Variants in ZNF589 observed in about 807,000 individuals in gnomAD.
ZNF589 encodes zinc finger protein 589.
A neutral mutation model predicts 13.6 loss-of-function variants in ZNF589; 17 were observed. That is an observed-to-expected ratio of 1.25 (90% CI 0.86 to 1.88). ZNF589 has a LOEUF of 1.88. Among genes scored for constraint, ZNF589 ranks in the 40% most tolerant of loss-of-function variants. The pLI is 0.00. For missense variants in ZNF589, 407 were observed against 434.0 expected, an observed-to-expected ratio of 0.94 and a Z score of 0.55; for synonymous variants, 148 against 161.6, an observed-to-expected ratio of 0.92 and a Z score of 0.64.
chr3:48,249,926 G>C (rs1410734732), intron 2 of ZNF589, among the ~76,000 whole-genome samples: 1 of 152,066 alleles, frequency 6.6e-6, no homozygotes, highest in Non-Finnish European at 1.5e-5. Context: ...TCAGTAGTTC[G>C]AGACCAACCT....
intron 1 of ZNF589, among the ~76,000 whole-genome samples, chr3:48,243,983 G>A (rs1162377334): frequency 6.6e-6 from 1 of 152,148 alleles, no homozygotes; most frequent in Non-Finnish European, 1.5e-5. Flanking sequence ...GTGTGCCTGT[G>A]ATTCAGCACC....
At chr3:48,265,489 G>C (rs1185952662) in intron 3 of ZNF589, among the ~76,000 whole-genome samples, 1 of 150,916 alleles carries the variant, frequency 6.6e-6, no homozygotes, top group African/African-American at 2.4e-5. Flanking sequence ...GTTTCACTAT[G>C]TTGGCCAGGC....
chr3:48,270,450 G>A lies in ZNF589; in HGVS notation c.*1664G>A, dbSNP rs1216393385. 2.8e-6 allele frequency: 1 copy of A among 357,666 alleles called. No individual in the cohort carries two copies. Among genetic ancestry groups the A allele is most frequent in the Non-Finnish European group, 5.5e-6 (1 of 182,956 alleles). The allele number at this position is 357,666 out of a possible 1,614,324, so 22.2% of individuals were successfully genotyped here. Reference sequence around the variant, plus strand: ...TCCAATCTCAGTACCCAGTGTTTTAGCCATGCTCGGGTGGCTAAATTACAT... The same window carrying A: ...TCCAATCTCAGTACCCAGTGTTTTAACCATGCTCGGGTGGCTAAATTACAT... On this transcript the variant is annotated 3_prime_UTR_variant, in exon 4 of 4. Coordinates refer to ENST00000354698, the MANE Select transcript of ZNF589 (RefSeq NM_016089.3).
At chr3:48,252,348 T>C (rs1202077769) in intron 2 of ZNF589, among the ~76,000 whole-genome samples, 2 of 151,734 alleles carry the variant, frequency 1.3e-5, no homozygotes, top group East Asian at 3.9e-4. Context: ...CAGGCTGCCA[T>C]GCACGGCTAA....
intron 3 of ZNF589, among the ~76,000 whole-genome samples, chr3:48,262,565 A>C (rs1431081322): frequency 6.6e-6 from 1 of 152,120 alleles, no homozygotes; most frequent in Non-Finnish European, 1.5e-5. Flanking sequence ...GTATCATCCA[A>C]CACCTAGTCC....
intron 3 of ZNF589, among the ~76,000 whole-genome samples, chr3:48,266,759 C>T (rs557043677): frequency 6.6e-6 from 1 of 152,330 alleles, no homozygotes; most frequent in African/African-American, 2.4e-5. Context: ...AAAAAACCCA[C>T]AGCCGAATCT....
chr3:48,253,600 C>T (rs750808073), intron 2 of ZNF589, among the ~76,000 whole-genome samples: 4 of 151,182 alleles, frequency 2.6e-5, no homozygotes, highest in Non-Finnish European at 5.9e-5. Context: ...CCCGGGTCCA[C>T]GCCATTCTCC....
chr3:48,250,385 C>G (rs866483804), intron 2 of ZNF589, among the ~76,000 whole-genome samples: 1 of 148,470 alleles, frequency 6.7e-6, no homozygotes, highest in Non-Finnish European at 1.5e-5. Context: ...CTCCTGGACT[C>G]AAGCAGTCCT....
intron 2 of ZNF589, 124 bp from the exon 3 acceptor site, chr3:48,260,689 G>A: frequency 1.4e-6 from 2 of 1,382,270 alleles, no homozygotes; most frequent in South Asian, 1.3e-5. Context: ...GATTGCAGGT[G>A]TGAGCCACCG....
intron 1 of ZNF589, among the ~76,000 whole-genome samples, 175 bp from the exon 2 acceptor site, chr3:48,247,450 G>A (rs1229535912): frequency 6.6e-6 from 1 of 152,008 alleles, no homozygotes; most frequent in Non-Finnish European, 1.5e-5. Flanking sequence ...ATAGGGAAGT[G>A]GTGCAGAGCA....
At chr3:48,255,012 T>A (rs2033882213) in intron 2 of ZNF589, among the ~76,000 whole-genome samples, 1 of 152,184 alleles carries the variant, frequency 6.6e-6, no homozygotes, top group South Asian at 2.1e-4. Context: ...AGTACAATGT[T>A]GAACAGGAGT....
intron 3 of ZNF589, among the ~76,000 whole-genome samples, chr3:48,265,853 A>G (rs900198412): frequency 2.6e-5 from 4 of 152,016 alleles, no homozygotes; most frequent in Non-Finnish European, 4.4e-5. Context: ...CTCTATTATT[A>G]TTATTATTAT....
chr3:48,265,346 T>A (rs1389536732), intron 3 of ZNF589, among the ~76,000 whole-genome samples: 1 of 128,878 alleles, frequency 7.8e-6, no homozygotes, highest in Non-Finnish European at 1.6e-5. Context: ...AGTGCAATGA[T>A]GGGATCTCGG....
Position 48,268,406 on chromosome 3 carries a change from GAAAA to G in ZNF589, c.717_720del (p.Glu239AspfsTer47). ...GTTCAGACAGAAGGCAGTCACAGCA[GAAAA>G]ATCTTCAGACAAAAGGCAGTCACAG... On this transcript the variant is annotated frameshift_variant, in exon 4 of 4. Transcript: ENST00000354698. LOFTEE classifies it low-confidence loss of function (END_TRUNC). 6.2e-7 allele frequency: 1 copy of G among 1,614,210 alleles called. No individual in the cohort carries two copies. The highest frequency in any genetic ancestry group is 8.5e-7 in the Non-Finnish European group (1 of 1,180,042).
In ZNF589 at chr3:48,260,932, C is replaced by G; in HGVS notation, c.216C>G (p.Val72=). 1 of 1,614,038 alleles carries G rather than the reference C, an allele frequency of 6.2e-7. No individual in the cohort carries two copies. The highest frequency in any genetic ancestry group is 8.5e-7 in the Non-Finnish European group (1 of 1,179,996). Residue 72 remains valine (V), a synonymous_variant, in exon 3 of 4, where the codon GTC becomes GTG. Transcript: ENST00000354698. The part of the protein sequence containing the change: ...EVMLENLRNL[V]SLAESKPEVH... ...TGCTGGAAAATCTCAGGAATCTGGT[C>G]TCATTGGGTAAGGACATGTTCTCTT...
In ZNF589 at chr3:48,248,375, C is replaced by G. The variant is rs1647583942; in HGVS notation, c.96+698C>G. Among the ~76,000 whole-genome samples, 3 of 152,212 alleles carry G rather than the reference C, an allele frequency of 2.0e-5. No individual in the cohort carries two copies. The South Asian group carries it at 6.2e-4, about 32-fold the overall frequency. On this transcript the variant is annotated intron_variant, in intron 2 of 3. Transcript: ENST00000354698. ...AGTCAGGAATTAAATCCAGATTTCT[C>G]TGATCTCAAACCATGAATTTTCTGT...
intron 2 of ZNF589, among the ~76,000 whole-genome samples, chr3:48,252,996 T>C (rs2106837355): frequency 6.6e-6 from 1 of 152,280 alleles, no homozygotes; most frequent in African/African-American, 2.4e-5. Flanking sequence ...AATTTTTTCC[T>C]CATTTATGTA....
At chr3:48,247,091 C>T (rs2033775361) in intron 1 of ZNF589, among the ~76,000 whole-genome samples, 2 of 152,154 alleles carry the variant, frequency 1.3e-5, no homozygotes, top group Admixed American at 1.3e-4. Context: ...CTGCCACAGC[C>T]TCCTGAGTAG....
chr3:48,243,422 C>T (rs1285325781), intron 1 of ZNF589, among the ~76,000 whole-genome samples: 1 of 152,076 alleles, frequency 6.6e-6, no homozygotes, highest in East Asian at 1.9e-4. Flanking sequence ...GTGTGGGAGC[C>T]CTTGTGCCTC....
Sources: gnomAD v4.1 joint callset for allele counts (sites outside exome capture counted in the v4.1 genomes callset) on GRCh38, gnomAD v4.1.1 for gene constraint, MANE v1.5 for transcripts, NCBI Gene and HGNC (gene_info 2026-07-23, HGNC 2026-07-21) for gene names.